Variants in WWOX observed in about 807,000 individuals in gnomAD.
WWOX encodes the protein WW domain containing oxidoreductase.
Under a neutral mutation model 46.2 loss-of-function variants are expected in WWOX, and 69 were observed. The ratio of observed to expected loss-of-function variants is 1.49; its 90% CI spans 1.23 to 1.82. The LOEUF (loss-of-function observed/expected upper bound fraction) is 1.82, where lower values mean the gene tolerates loss of function less well. WWOX is among the 40% of genes most tolerant of loss of function. The pLI is 0.00. For missense variants in WWOX, 919 were observed against 542.6 expected (o/e 1.69, Z -6.89); for synonymous variants, 359 against 202.6 (o/e 1.77, Z -6.56).
chr16:78,638,512 C>G (rs1485089854), intron 8 of WWOX, among the ~76,000 whole-genome samples: 2 of 152,156 alleles, frequency 1.3e-5, no homozygotes, highest in Non-Finnish European at 2.9e-5. Flanking sequence ...TCTGTCTGCA[C>G]TCCTTTTGTC....
At chr16:78,996,502 T>G (rs2046993265) in intron 8 of WWOX, 2 of 183,972 alleles carry the variant, frequency 1.1e-5, no homozygotes, top group Admixed American at 6.5e-5. Context: ...ATCAGCTTCA[T>G]TCTCTCCCTT....
intron 8 of WWOX, among the ~76,000 whole-genome samples, chr16:78,657,530 G>C (rs562587511): frequency 2.0e-5 from 3 of 152,334 alleles, no homozygotes; most frequent in East Asian, 1.9e-4. Context: ...AGCAGACCCA[G>C]AGTCTAACCC....
At chr16:78,352,291 G>A (rs1180236652) in intron 5 of WWOX, among the ~76,000 whole-genome samples, 1 of 152,118 alleles carries the variant, frequency 6.6e-6, no homozygotes, top group African/African-American at 2.4e-5. Flanking sequence ...TTTTCTCAAT[G>A]TTAGTGACTT....
chr16:78,908,017 A>C (rs1263036418), intron 8 of WWOX, among the ~76,000 whole-genome samples: 1 of 152,188 alleles, frequency 6.6e-6, no homozygotes, highest in Admixed American at 6.5e-5. Context: ...TCATTTGTCC[A>C]GGTATTTGGA....
chr16:79,113,598 A>G (rs1027356035), intron 8 of WWOX, among the ~76,000 whole-genome samples: 3 of 152,260 alleles, frequency 2.0e-5, no homozygotes, highest in Non-Finnish European at 2.9e-5. Context: ...CCCTGTCGCC[A>G]AAGAAGGTCC....
At chr16:79,124,321 C>T (rs533357478) in intron 8 of WWOX, among the ~76,000 whole-genome samples, 7 of 149,614 alleles carry the variant, frequency 4.7e-5, no homozygotes, top group South Asian at 2.2e-4. Context: ...CCAATGGTGA[C>T]GGGGTTTGTT....
intron 8 of WWOX, among the ~76,000 whole-genome samples, chr16:78,715,722 C>G (rs1359838491): frequency 6.6e-6 from 1 of 152,188 alleles, no homozygotes. Context: ...GGTGGTCTAT[C>G]CACCTTGGCC....
intron 8 of WWOX, among the ~76,000 whole-genome samples, chr16:78,772,507 AT>A (rs1347699077): frequency 6.6e-6 from 1 of 152,016 alleles, no homozygotes; most frequent in African/African-American, 2.4e-5. Context: ...AATCTTGATC[AT>A]TTGGTTAATG....
At chr16:78,665,650 C>T (rs774121625) in intron 8 of WWOX, among the ~76,000 whole-genome samples, 17 of 152,088 alleles carry the variant, frequency 1.1e-4, no homozygotes, top group Non-Finnish European at 2.2e-4. Flanking sequence ...AGCAAGAATC[C>T]TGAGCTGACC....
At chr16:78,178,314 A>G (rs2035415085) in intron 5 of WWOX, among the ~76,000 whole-genome samples, 1 of 152,174 alleles carries the variant, frequency 6.6e-6, no homozygotes, top group Non-Finnish European at 1.5e-5. Flanking sequence ...TCATTCCCGC[A>G]AAAGCTCAGC....
intron 8 of WWOX, among the ~76,000 whole-genome samples, chr16:78,526,852 C>A (rs537605668): frequency 6.6e-6 from 1 of 152,142 alleles, no homozygotes; most frequent in Admixed American, 6.5e-5. Context: ...GCCAGCCTGG[C>A]CTGGTCTGGC....
At chr16:78,647,045 C>T (rs1304764014) in intron 8 of WWOX, among the ~76,000 whole-genome samples, 1 of 152,182 alleles carries the variant, frequency 6.6e-6, no homozygotes, top group Non-Finnish European at 1.5e-5. Context: ...TTGAGCCCAG[C>T]TCTCCCTTTG....
rs183921625 is a variant in WWOX at position 78,356,953 on chromosome 16, G to C, written c.517-29907G>C. 2.9e-3 allele frequency among the ~76,000 whole-genome samples: 438 copies of C among 152,218 alleles called. 1 individual carries two copies. Among genetic ancestry groups the C allele is most frequent in the Non-Finnish European group, 5.4e-3 (367 of 68,010 alleles). On this transcript the variant is annotated intron_variant, in intron 5 of 8. Transcript: ENST00000566780. The stretch of plus-strand genomic sequence containing the variant: ...ATCTTCACCCAATCAAGGATTAAAT[G>C]GCCAATTCCTAAATGATGCCTACCT...
chr16:78,877,539 T>C (rs2044259159), intron 8 of WWOX, among the ~76,000 whole-genome samples: 2 of 152,226 alleles, frequency 1.3e-5, no homozygotes, highest in African/African-American at 4.8e-5. Context: ...CTCTGAGCCT[T>C]GCACCCTCTC....
At chr16:78,632,952 C>T (rs548434724) in intron 8 of WWOX, among the ~76,000 whole-genome samples, 209 of 152,096 alleles carry the variant, frequency 1.4e-3, no homozygotes, top group African/African-American at 4.5e-3. Flanking sequence ...CATTTATTAT[C>T]CCCATTTTAC....
intron 8 of WWOX, among the ~76,000 whole-genome samples, chr16:79,097,661 A>T (rs2049104572): frequency 6.6e-6 from 1 of 152,138 alleles, no homozygotes; most frequent in Non-Finnish European, 1.5e-5. Context: ...TTTGTGTGCT[A>T]GGGGTGAACG....
At chr16:78,117,282 A>G (rs922187847) in intron 4 of WWOX, among the ~76,000 whole-genome samples, 1 of 152,096 alleles carries the variant, frequency 6.6e-6, no homozygotes, top group African/African-American at 2.4e-5. Flanking sequence ...ATGTCGCACA[A>G]GGTCTTAGGG....
intron 8 of WWOX, among the ~76,000 whole-genome samples, chr16:78,578,267 TA>T: frequency 7.4e-5 from 2 of 27,130 alleles, no homozygotes; most frequent in African/African-American, 2.4e-4. Flanking sequence ...TATATATATA[TA>T]TATATATATA....
intron 8 of WWOX, among the ~76,000 whole-genome samples, chr16:78,604,477 G>C (rs919113255): frequency 6.6e-6 from 1 of 152,108 alleles, no homozygotes; most frequent in African/African-American, 2.4e-5. Context: ...TTAAATCCCA[G>C]AGGTCCGTCT....
Sources: gnomAD v4.1 joint callset for allele counts (sites outside exome capture counted in the v4.1 genomes callset) on GRCh38, gnomAD v4.1.1 for gene constraint, MANE v1.5 for transcripts, NCBI Gene and HGNC (gene_info 2026-07-23, HGNC 2026-07-21) for gene names.